ANAPC5: variants seen among roughly 807,000 people sequenced by gnomAD.
ANAPC5 encodes anaphase promoting complex subunit 5, also known as anaphase-promoting complex subunit 5.
ANAPC5 carries 60 observed loss-of-function variants against 91.3 expected under a neutral mutation model. That is an observed-to-expected ratio of 0.66 (90% CI 0.53 to 0.81). The LOEUF (loss-of-function observed/expected upper bound fraction) is 0.81, where lower values mean the gene tolerates loss of function less well. Ranked by LOEUF, ANAPC5 falls within the 40% of genes least tolerant of loss-of-function variation. ANAPC5 has a pLI of 0.00. For synonymous variants in ANAPC5, 340 were observed against 364.1 expected (o/e 0.93, Z 0.75); for missense variants, 690 against 931.5 (o/e 0.74, Z 3.37).
chr12:121,331,061 C>T (rs1903024451), intron 8 of ANAPC5: 3 of 407,432 alleles, frequency 7.4e-6, no homozygotes, highest in Middle Eastern at 6.7e-4. Flanking sequence ...TAGTATACAT[C>T]TTTTGTTAAT....
At chr12:121,352,630 C>A (rs1014466860), upstream of ANAPC5, among the ~76,000 whole-genome samples, 3 of 139,112 alleles carry the variant, frequency 2.2e-5, no homozygotes, top group Non-Finnish European at 4.7e-5. Context: ...GGACAGGGAC[C>A]GGATGGGAGG....
chr12:121,328,051 A>T, intron 10 of ANAPC5: 4 of 373,304 alleles, frequency 1.1e-5, no homozygotes, highest in East Asian at 1.0e-4. Flanking sequence ...AGATGTGTGA[A>T]CCCTGGTTTA....
Position 121,330,637 on chromosome 12 carries a change from A to T in ANAPC5, c.1068T>A (p.Asp356Glu), listed in dbSNP as rs782647462. ...WLYVLGQKRSDSYVLLEHSVK... is the reference protein window; with the variant it reads ...WLYVLGQKRSESYVLLEHSVK... ...CAGAATGCTCCAGCAGAACATAGCT[A>T]TCGGATCTCTTCTGCCCCAGCACAT... Residue 356 changes from aspartate to glutamate, a missense_variant, in exon 9 of 17, where the codon GAT becomes GAA. Asp to Glu is a conservative substitution (Grantham distance 45, BLOSUM62 2). Transcript: ENST00000261819. 1 of 1,614,160 alleles carries T rather than the reference A, an allele frequency of 6.2e-7. No homozygotes were observed. The highest frequency in any genetic ancestry group is 8.5e-7 in the Non-Finnish European group (1 of 1,180,004).
At chr12:121,337,472 A>AT in intron 5 of ANAPC5, 80 bp from the exon 6 acceptor site, 1 of 1,113,796 alleles carries the variant, frequency 9.0e-7, no homozygotes, top group Non-Finnish European at 1.3e-6. Flanking sequence ...GCATCACCTG[A>AT]TTATTTTCTT....
chr12:121,315,502 A>G (rs1902319819), intron 15 of ANAPC5, among the ~76,000 whole-genome samples: 1 of 152,010 alleles, frequency 6.6e-6, no homozygotes, highest in Non-Finnish European at 1.5e-5. Context: ...AAAAGAACAA[A>G]GACTCCCACT....
At position 121,309,375 on chromosome 12, in the gene ANAPC5, T is replaced by C. The variant is rs534314883; in HGVS notation, c.2056+326A>G. Among the ~76,000 whole-genome samples the C allele has an allele frequency of 4.6e-5, 7 of 151,288 alleles. No individual in the cohort carries two copies. The East Asian group carries it at 1.4e-3, about 29-fold the overall frequency. Reference sequence around the variant, plus strand: ...ATTGCTTGAACCTGGAAGGCGGAGGTTGCAGTGAGCCGAGATCACGCCACT... The same window carrying C: ...ATTGCTTGAACCTGGAAGGCGGAGGCTGCAGTGAGCCGAGATCACGCCACT... On this transcript the variant is annotated intron_variant, in intron 16 of 16. Transcript: ENST00000261819.
chr12:121,337,792 C>T (rs548474007), intron 5 of ANAPC5, among the ~76,000 whole-genome samples: 11 of 152,150 alleles, frequency 7.2e-5, no homozygotes, highest in South Asian at 6.2e-4. Flanking sequence ...ACTTACCCCC[C>T]CTGTGGCACT....
Position 121,331,401 on chromosome 12 carries a change from C to T in ANAPC5, c.978G>A (p.Glu326=), listed in dbSNP as rs142136830. 4.4e-6 allele frequency: 7 copies of T among 1,608,954 alleles called. No individual in the cohort carries two copies. In the African/African-American group the frequency reaches 9.4e-5, roughly 21 times the overall value. Reference sequence around the variant, plus strand: ...TGGACTCCTGGGCAATCCTAATTGCCTCCTGCAGGGCGAGCTCTGCCTGTT... The same window carrying T: ...TGGACTCCTGGGCAATCCTAATTGCTTCCTGCAGGGCGAGCTCTGCCTGTT... ...HYQQAELALQ[E]AIRIAQESND... The change falls in exon 8 of 17, where the codon GAG becomes GAA. Residue 326 remains glutamate, a synonymous_variant. Coordinates refer to ENST00000261819, the MANE Select transcript of ANAPC5 (RefSeq NM_016237.5).
At chr12:121,341,749 T>C (rs559657516) in intron 5 of ANAPC5, among the ~76,000 whole-genome samples, 15 of 152,282 alleles carry the variant, frequency 9.9e-5, no homozygotes, top group Admixed American at 5.2e-4. Context: ...TTTTAGGCTG[T>C]TAGTCACATA....
chr12:121,347,475 C>A (rs1412492795), intron 2 of ANAPC5: 1 of 283,148 alleles, frequency 3.5e-6, no homozygotes, highest in East Asian at 8.6e-5. Context: ...ACTAAAAATA[C>A]AAAAAATTAG....
chr12:121,336,610 G>A (rs1555273505), intron 6 of ANAPC5, among the ~76,000 whole-genome samples: 1 of 152,106 alleles, frequency 6.6e-6, no homozygotes, highest in African/African-American at 2.4e-5. Flanking sequence ...AACCCGGGAG[G>A]CAGAGGTTGC....
chr12:121,311,913 T>C (rs1429857326), intron 15 of ANAPC5, among the ~76,000 whole-genome samples: 1 of 152,142 alleles, frequency 6.6e-6, no homozygotes, highest in Non-Finnish European at 1.5e-5. Context: ...ATAGAAAAAT[T>C]AGACAGAAGA....
At chr12:121,340,799 A>G (rs1903426603) in intron 5 of ANAPC5, among the ~76,000 whole-genome samples, 2 of 151,708 alleles carry the variant, frequency 1.3e-5, no homozygotes, top group Admixed American at 6.6e-5. Context: ...TGACCTTGTG[A>G]TCCGCCTGCC....
chr12:121,313,534 G>A (rs975354173), intron 15 of ANAPC5, among the ~76,000 whole-genome samples: 1 of 152,070 alleles, frequency 6.6e-6, no homozygotes, highest in Admixed American at 6.6e-5. Flanking sequence ...AAAGAGACAA[G>A]ACTCAAATAA....
At chr12:121,320,710 C>A in intron 11 of ANAPC5, 1 of 274,592 alleles carries the variant, frequency 3.6e-6, no homozygotes, top group Non-Finnish European at 7.0e-6. Context: ...TCACGCCATT[C>A]TCCTGCCTCA....
intron 3 of ANAPC5, chr12:121,346,693 T>C (rs1186474881): frequency 2.4e-6 from 1 of 413,682 alleles, no homozygotes; most frequent in East Asian, 3.9e-5. Context: ...ACTCTTACTA[T>C]TGTAGACAAA....
chr12:121,331,904 C>CA (rs1326183863), intron 7 of ANAPC5: 1 of 154,296 alleles, frequency 6.5e-6, no homozygotes, highest in Non-Finnish European at 1.4e-5. Flanking sequence ...TACAGTGGCA[C>CA]AATCCTAGCT....
rs782722967 is a variant in ANAPC5, at chr12:121,347,898, T to C, written c.208-17A>G. 7.1e-6 allele frequency: 11 copies of C among 1,556,796 alleles called. No individual in the cohort carries two copies. In the South Asian group the frequency reaches 7.8e-5, roughly 11 times the overall value. On this transcript the variant is annotated splice_polypyrimidine_tract_variant and intron_variant, in intron 1 of 16. Coordinates refer to ENST00000261819, the MANE Select transcript of ANAPC5 (RefSeq NM_016237.5). ...ATCTGGGCCCTGTGTAAAGGAGAGA[T>C]AGGGAGGTATGGATTTTAAAGAGCT...
At chr12:121,337,776 C>T (rs1340042186) in intron 5 of ANAPC5, among the ~76,000 whole-genome samples, 1 of 152,076 alleles carries the variant, frequency 6.6e-6, no homozygotes, top group Non-Finnish European at 1.5e-5. Flanking sequence ...CCCATAAGCC[C>T]TCTGCACTTA....
Sources: gnomAD v4.1 joint callset for allele counts (sites outside exome capture counted in the v4.1 genomes callset) on GRCh38, gnomAD v4.1.1 for gene constraint, MANE v1.5 for transcripts, NCBI Gene and HGNC (gene_info 2026-07-23, HGNC 2026-07-21) for gene names.